Variants in MUC5AC observed in about 807,000 individuals in gnomAD.
The protein encoded by MUC5AC is mucin-5AC.
A neutral mutation model predicts 169.7 loss-of-function variants in MUC5AC; 158 were observed. The observed-to-expected ratio is 0.93, with a 90% CI of 0.82 to 1.06. MUC5AC has a LOEUF of 1.06. Among genes scored for constraint, MUC5AC ranks in the 50% least tolerant of loss-of-function variants. MUC5AC has a pLI of 0.00. For synonymous variants in MUC5AC, 1,975 were observed against 1,237.0 expected (o/e 1.60, Z -12.52); for missense variants, 4,359 against 3,089.9 (o/e 1.41, Z -9.74).
Position 1,175,859 on chromosome 11 carries a change from AC to A in MUC5AC, c.2402-291del, listed in dbSNP as rs1860669286. On this transcript the variant is annotated intron_variant, in intron 19 of 48. Coordinates refer to ENST00000621226, the MANE Select transcript of MUC5AC (RefSeq NM_001304359.2). ...CACGCACTCACACACCCACTTATGG[AC>A]ACGCTCACACATCCACTCATGCACA... 2.7e-4 allele frequency among the ~76,000 whole-genome samples: 19 copies of A among 69,446 alleles called. 1 individual carries two copies. Among genetic ancestry groups the A allele is most frequent in the African/African-American group, 8.2e-4 (13 of 15,812 alleles). The allele number at this position is 69,446 out of a possible 152,430, so 45.6% of individuals were successfully genotyped here. A position where few individuals can be genotyped will look rare whatever the true frequency, so the allele number is the denominator to read the frequency against.
chr11:1,171,489 T>TCAA, intron 15 of MUC5AC, among the ~76,000 whole-genome samples: 1 of 94,740 alleles, frequency 1.1e-5, no homozygotes, highest in East Asian at 3.3e-4. Flanking sequence ...ACTCACCCAC[T>TCAA]CACTCACCCA....
chr11:1,167,465 C>T (rs925565932), intron 11 of MUC5AC, among the ~76,000 whole-genome samples: 1 of 152,194 alleles, frequency 6.6e-6, no homozygotes, highest in Non-Finnish European at 1.5e-5. Context: ...TTGACATCAG[C>T]GACCCTCGTG....
intron 15 of MUC5AC, among the ~76,000 whole-genome samples, chr11:1,171,493 TCAC>T (rs1860534093): frequency 1.9e-5 from 1 of 51,654 alleles, no homozygotes; most frequent in South Asian, 7.5e-4. Flanking sequence ...ACCCACTCAC[TCAC>T]CCATTCACCC....
intron 19 of MUC5AC, among the ~76,000 whole-genome samples, chr11:1,175,798 ACC>A (rs1860664602): frequency 0.05 from 176 of 3,506 alleles, 2 homozygotes; most frequent in African/African-American, 0.13. Context: ...ACGCACTCAC[ACC>A]CACCCACTCA....
chr11:1,195,933 C>A lies in MUC5AC; in HGVS notation c.15516C>A (p.Val5172=), dbSNP rs771811154. Residue 5172 remains valine, a synonymous_variant, in exon 37 of 49, where the codon GTC becomes GTA. Transcript: ENST00000621226. Reference sequence around the variant, plus strand: ...CACTGCTGTTCTATGAGGGCTGCGTCTTTGACCGGTGCCACATGACGGACC... The same window carrying A: ...CACTGCTGTTCTATGAGGGCTGCGTATTTGACCGGTGCCACATGACGGACC... ...IPPLLFYEGC[V]FDRCHMTDLD... The A allele has an allele frequency of 1.3e-6, 1 of 763,436 alleles. No homozygotes were observed. Among genetic ancestry groups the A allele is most frequent in the Non-Finnish European group, 2.4e-6 (1 of 417,178 alleles). The allele number at this position is 763,436 out of a possible 1,614,324, so 47.3% of individuals were successfully genotyped here. A position where few individuals can be genotyped will look rare whatever the true frequency, so the allele number is the denominator to read the frequency against.
intron 15 of MUC5AC, among the ~76,000 whole-genome samples, chr11:1,171,559 A>C (rs1158243550): frequency 1.3e-4 from 17 of 130,974 alleles, no homozygotes; most frequent in Non-Finnish European, 1.6e-4. Flanking sequence ...TCAACCACCC[A>C]CTCACCCACT....
Position 1,192,366 on chromosome 11 carries a change from A to T in MUC5AC, c.14221A>T (p.Thr4741Ser), listed in dbSNP as rs775179056. The change falls in exon 31 of 49, where the codon ACT becomes TCT. Residue 4741 changes from threonine (T) to serine (S), a missense_variant. By Grantham distance (58) the Thr-to-Ser change is moderately conservative. Transcript: ENST00000621226. ...CPVTSVTPYG[T>S]SPTNALYPSL... Reference sequence around the variant, plus strand: ...GGTGACCTCTGTGACCCCATATGGGACTTCTCCTACCAATGCTCTGTATCC... The same window carrying T: ...GGTGACCTCTGTGACCCCATATGGGTCTTCTCCTACCAATGCTCTGTATCC... 4 of 765,036 alleles carry T rather than the reference A, an allele frequency of 5.2e-6. No homozygotes were observed. Among genetic ancestry groups the T allele is most frequent in the East Asian group, 2.4e-5 (1 of 41,252 alleles). The allele number at this position is 765,036 out of a possible 1,614,324, so 47.4% of individuals were successfully genotyped here. A position where few individuals can be genotyped will look rare whatever the true frequency, so the allele number is the denominator to read the frequency against.
At chr11:1,199,523 G>A (rs933843482) in intron 46 of MUC5AC, 33 bp downstream of exon 46, 4 of 702,656 alleles carry the variant, frequency 5.7e-6, no homozygotes, top group African/African-American at 3.5e-5. Context: ...CAGCCAAGGG[G>A]GGCTTCACCC....
chr11:1,169,401 A>G (rs1356858774), intron 15 of MUC5AC, among the ~76,000 whole-genome samples: 1 of 129,768 alleles, frequency 7.7e-6, no homozygotes, highest in African/African-American at 3.1e-5. Context: ...CGCCGACTCA[A>G]CCATTCACTC....
At chr11:1,169,621 AC>A (rs1471562079) in intron 15 of MUC5AC, among the ~76,000 whole-genome samples, 163 of 117,470 alleles carry the variant, frequency 1.4e-3, no homozygotes, top group African/African-American at 5.2e-3. Context: ...TCACTCACTC[AC>A]CTCACTCACT....
chr11:1,161,872 C>A (rs577382717), intron 3 of MUC5AC, 35 bp from the exon 4 acceptor site: 2 of 1,594,076 alleles, frequency 1.3e-6, no homozygotes, highest in Middle Eastern at 1.7e-4. Context: ...AGGATGAGGG[C>A]GACGCCCCCA....
rs1428975148 is a variant in MUC5AC, at chr11:1,183,974, G to A, written c.5829G>A (p.Thr1943=). Residue 1943 remains threonine (T), a synonymous_variant, in exon 31 of 49, where the codon ACG becomes ACA. Coordinates refer to ENST00000621226, the MANE Select transcript of MUC5AC (RefSeq NM_001304359.2). ...TGGTCTCCAGCAAGCCCACCCCCAC[G>A]GAGCCCAGCACATCCTCCTGCCTGC... ...TSVVSSKPTP[T]EPSTSSCLQE... is the part of the protein sequence containing the mutation. The A allele has an allele frequency of 1.0e-5, 4 of 393,952 alleles. No individual in the cohort carries two copies. The East Asian group carries it at 1.1e-4, about 11-fold the overall frequency. 24.4% of individuals were successfully genotyped at this position (393,952 alleles called of 1,614,324 possible). A position where few individuals can be genotyped will look rare whatever the true frequency, so the allele number is the denominator to read the frequency against.
chr11:1,192,086 C>G lies in MUC5AC; in HGVS notation c.13941C>G (p.His4647Gln). Residue 4647 changes from histidine to glutamine, a missense_variant, in exon 31 of 49, where the codon CAC (histidine) becomes CAG (glutamine). By Grantham distance (24) the His-to-Gln change is conservative. Transcript: ENST00000621226. ...TGGACTTCCCATCCCCTGGACCCCACGGCGGGGACAAGGAAACCTACAACA... is the reference window on the plus strand; with the variant it reads ...TGGACTTCCCATCCCCTGGACCCCAGGGCGGGGACAAGGAAACCTACAACA... ...FDVDFPSPGPHGGDKETYNNI... is the reference protein window; with the variant it reads ...FDVDFPSPGPQGGDKETYNNI... 2 of 765,104 alleles carry G rather than the reference C, an allele frequency of 2.6e-6. No homozygotes were observed. The highest frequency in any genetic ancestry group is 4.8e-6 in the Non-Finnish European group (2 of 417,884). 47.4% of individuals were successfully genotyped at this position (765,104 alleles called of 1,614,324 possible).
At chr11:1,168,372 C>A in intron 12 of MUC5AC, 111 bp from the exon 13 acceptor site, 1 of 1,039,644 alleles carries the variant, frequency 9.6e-7, no homozygotes, top group Non-Finnish European at 1.5e-6. Context: ...GTAGGAGCCG[C>A]AGCTGCAGGG....
chr11:1,171,942 T>TTCACTCACTCACTCAC (rs1161859817), intron 15 of MUC5AC, among the ~76,000 whole-genome samples: 1 of 85,686 alleles, frequency 1.2e-5, no homozygotes, highest in African/African-American at 5.8e-5. Context: ...CATCCACTCA[T>TTCACTCACTCACTCAC]TCACTCACTC....
At position 1,196,754 on chromosome 11, in the gene MUC5AC, C is replaced by A. The variant is rs374765145; in HGVS notation, c.15829+34C>A. On this transcript the variant is annotated intron_variant, in intron 39 of 48. Transcript: ENST00000621226. ...CCCAGGCCGGGGCTGGGGGGTGTGG[C>A]AGGACTGGGCCTGTGACTGTTGGCC... The A allele has an allele frequency of 2.6e-5, 19 of 734,782 alleles. No individual in the cohort carries two copies. In the East Asian group the frequency reaches 3.3e-4, roughly 13 times the overall value. 45.5% of individuals were successfully genotyped at this position (734,782 alleles called of 1,614,324 possible). A position where few individuals can be genotyped will look rare whatever the true frequency, so the allele number is the denominator to read the frequency against.
rs1003805240 is a variant in MUC5AC at position 1,178,485 on chromosome 11, C to T, written c.3129C>T (p.Ala1043=). The T allele has an allele frequency of 4.1e-5, 41 of 997,394 alleles. No individual in the cohort carries two copies. The highest frequency in any genetic ancestry group is 8.5e-5 in the African/African-American group (5 of 58,946). 61.8% of individuals were successfully genotyped at this position (997,394 alleles called of 1,614,324 possible). ...TGTGTGGGAACTTCGACGACATCGC[C>T]GTTAATGACTTTGCCACGCGGAGCC... is the stretch of plus-strand genomic sequence containing the variant. The part of the protein sequence containing the change: ...CGLCGNFDDI[A]VNDFATRSRS... Residue 1043 remains alanine, a synonymous_variant, in exon 25 of 49, where the codon GCC becomes GCT. Transcript: ENST00000621226.
chr11:1,162,867 C>T (rs535632321), intron 5 of MUC5AC, 88 bp from the exon 6 acceptor site: 104 of 1,350,216 alleles, frequency 7.7e-5, no homozygotes, highest in Non-Finnish European at 1.0e-4. Flanking sequence ...CCGTGGGCCT[C>T]GGCCCCTCCT....
intron 15 of MUC5AC, among the ~76,000 whole-genome samples, chr11:1,170,006 CCACT>C (rs1304710230): frequency 2.3e-5 from 3 of 130,694 alleles, no homozygotes; most frequent in South Asian, 2.8e-4. Context: ...ACCCATTCAC[CCACT>C]CACTCACCCA....
Sources: allele counts gnomAD v4.1 joint callset (sites outside exome capture counted in the v4.1 genomes callset), GRCh38; gene constraint gnomAD v4.1.1; transcripts MANE v1.5; gene names NCBI Gene and HGNC (gene_info 2026-07-23, HGNC 2026-07-21).